The following NLGN1 variants were observed in gnomAD, a reference collection of about 807,000 sequenced individuals.
NLGN1 encodes neuroligin-1.
In NLGN1, 12 loss-of-function variants were observed where a neutral mutation model predicts 65.5. That is an observed-to-expected ratio of 0.18 (90% CI 0.12 to 0.30). NLGN1 has a LOEUF of 0.30. Ranked by LOEUF, NLGN1 falls within the 10% of genes least tolerant of loss-of-function variation. NLGN1 has a pLI of 1.00. For missense variants in NLGN1, 750 were observed against 1,007.1 expected (o/e 0.74, Z 3.46); for synonymous variants, 350 against 359.5 (o/e 0.97, Z 0.30).
intron 3 of NLGN1, among the ~76,000 whole-genome samples, chr3:173,700,664 T>G (rs1766993344): frequency 6.6e-6 from 1 of 152,252 alleles, no homozygotes; most frequent in South Asian, 2.1e-4. Flanking sequence ...GTCCAGCTAT[T>G]ACTTGAATCT....
At chr3:173,446,319 G>A (rs895888155) in intron 2 of NLGN1, among the ~76,000 whole-genome samples, 22 of 151,676 alleles carry the variant, frequency 1.5e-4, no homozygotes, top group African/African-American at 4.8e-4. Context: ...GCGGTGTTTG[G>A]TTTTTTTGTC....
At chr3:174,259,059 A>C (rs1577642820) in intron 4 of NLGN1, among the ~76,000 whole-genome samples, 2 of 152,328 alleles carry the variant, frequency 1.3e-5, no homozygotes, top group East Asian at 3.9e-4. Context: ...ATCAGCATGT[A>C]ATAAATACCA....
intron 2 of NLGN1, among the ~76,000 whole-genome samples, chr3:173,539,876 TTATA>T (rs80161831): frequency 7.1e-6 from 1 of 141,078 alleles, no homozygotes; most frequent in Non-Finnish European, 1.5e-5. Context: ...TATATATATC[TTATA>T]TATATGTTAT....
intron 2 of NLGN1, among the ~76,000 whole-genome samples, chr3:173,479,165 T>C (rs904975728): frequency 1.8e-4 from 27 of 152,074 alleles, no homozygotes; most frequent in African/African-American, 6.3e-4. Flanking sequence ...AAAGGCATCA[T>C]TTGAAGACAT....
At chr3:174,153,868 G>A (rs1235132495) in intron 4 of NLGN1, among the ~76,000 whole-genome samples, 2 of 152,054 alleles carry the variant, frequency 1.3e-5, no homozygotes, top group South Asian at 4.1e-4. Context: ...GTACATGCCT[G>A]TGCTTTGAGT....
At chr3:173,885,231 A>G (rs1288459760) in intron 4 of NLGN1, among the ~76,000 whole-genome samples, 1 of 152,036 alleles carries the variant, frequency 6.6e-6, no homozygotes, top group Non-Finnish European at 1.5e-5. Flanking sequence ...CCTTAATTTT[A>G]TTATTTAACG....
intron 4 of NLGN1, among the ~76,000 whole-genome samples, chr3:174,000,414 C>T (rs1723052985): frequency 6.6e-6 from 1 of 151,918 alleles, no homozygotes; most frequent in Non-Finnish European, 1.5e-5. Context: ...TAAACAATGT[C>T]AGGAATAGTT....
intron 2 of NLGN1, among the ~76,000 whole-genome samples, chr3:173,551,115 T>G (rs1436493022): frequency 6.6e-6 from 1 of 152,120 alleles, no homozygotes; most frequent in African/African-American, 2.4e-5. Flanking sequence ...ACTTTAACGG[T>G]GGAGAAGTCA....
At chr3:173,955,827 A>G (rs552535237) in intron 4 of NLGN1, among the ~76,000 whole-genome samples, 14 of 152,244 alleles carry the variant, frequency 9.2e-5, no homozygotes, top group African/African-American at 3.4e-4. Context: ...GGAAATTTCT[A>G]TTATTATTTA....
At chr3:173,509,813 C>T (rs150484679) in intron 2 of NLGN1, among the ~76,000 whole-genome samples, 1 of 151,998 alleles carries the variant, frequency 6.6e-6, no homozygotes, top group African/African-American at 2.4e-5. Flanking sequence ...CCATACACTA[C>T]GTTTGAATTT....
chr3:173,588,280 G>GAAAATGATTTCTAAGA (rs1171800158), intron 2 of NLGN1, among the ~76,000 whole-genome samples: 1 of 152,118 alleles, frequency 6.6e-6, no homozygotes, highest in Non-Finnish European at 1.5e-5. Context: ...CTGTTTCTAA[G>GAAAATGATTTCTAAGA]AAAATGATTT....
chr3:173,443,482 C>T (rs1719601938), intron 2 of NLGN1, among the ~76,000 whole-genome samples: 1 of 151,506 alleles, frequency 6.6e-6, no homozygotes, highest in Non-Finnish European at 1.5e-5. Flanking sequence ...AAATTATTTT[C>T]TATTTTTGAA....
chr3:174,251,566 A>G (rs557642193), intron 4 of NLGN1, among the ~76,000 whole-genome samples: 1 of 152,322 alleles, frequency 6.6e-6, no homozygotes, highest in East Asian at 1.9e-4. Flanking sequence ...TAAGCTTGGA[A>G]AAAAAGTTAG....
intron 2 of NLGN1, among the ~76,000 whole-genome samples, chr3:173,441,049 T>C (rs1324137947): frequency 6.6e-6 from 1 of 152,230 alleles, no homozygotes; most frequent in African/African-American, 2.4e-5. Flanking sequence ...TTTTACGTTA[T>C]AGGAATGTCT....
At position 173,890,475 on chromosome 3, in the gene NLGN1, A is replaced by G. The variant is rs1008117413; in HGVS notation, c.646+82643A>G. On this transcript the variant is annotated intron_variant, in intron 4 of 6. Coordinates refer to ENST00000457714, the Ensembl canonical transcript of NLGN1. ...GATATTGCATTAGCATCGAGCACAA[A>G]ATGTTCAACTGCCTGACTCTTGAAC... Among the ~76,000 whole-genome samples the G allele has an allele frequency of 2.0e-5, 3 of 152,144 alleles. No individual in the cohort carries two copies. The South Asian group carries it at 6.2e-4, about 32-fold the overall frequency.
At chr3:174,119,171 C>T (rs1717218699) in intron 4 of NLGN1, among the ~76,000 whole-genome samples, 1 of 152,112 alleles carries the variant, frequency 6.6e-6, no homozygotes, top group African/African-American at 2.4e-5. Context: ...CCTTCTTTTA[C>T]CCACAGCACA....
intron 4 of NLGN1, among the ~76,000 whole-genome samples, chr3:173,944,407 G>A (rs188884935): frequency 6.6e-6 from 1 of 152,084 alleles, no homozygotes; most frequent in Non-Finnish European, 1.5e-5. Flanking sequence ...AACCATCTCT[G>A]CAGCATTTAC....
chr3:174,214,000 T>C (rs969858605), intron 4 of NLGN1, among the ~76,000 whole-genome samples: 5 of 152,278 alleles, frequency 3.3e-5, no homozygotes, highest in Admixed American at 2.0e-4. Context: ...GACATGCTTT[T>C]TTAGCACTTT....
intron 4 of NLGN1, among the ~76,000 whole-genome samples, chr3:174,036,516 T>C (rs1395500860): frequency 1.3e-5 from 2 of 151,868 alleles, no homozygotes; most frequent in Non-Finnish European, 2.9e-5. Context: ...TTGGAAGAGA[T>C]AGTAGGGAAC....
Sources: gnomAD v4.1 joint callset for allele counts (sites outside exome capture counted in the v4.1 genomes callset) on GRCh38, gnomAD v4.1.1 for gene constraint, MANE v1.5 for transcripts, NCBI Gene and HGNC (gene_info 2026-07-23, HGNC 2026-07-21) for gene names.